USP9X: variants seen among roughly 807,000 people sequenced by gnomAD.
USP9X encodes the protein ubiquitin specific peptidase 9 X-linked.
A neutral mutation model predicts 190.3 loss-of-function variants in USP9X; 7 were observed. The observed-to-expected ratio is 0.04, with a 90% CI of 0.02 to 0.07. The LOEUF (loss-of-function observed/expected upper bound fraction) is 0.07, where lower values mean the gene tolerates loss of function less well. Ranked by LOEUF, USP9X falls within the 10% of genes least tolerant of loss-of-function variation. USP9X has a pLI of 1.00. For missense variants in USP9X, 1,010 were observed against 1,916.9 expected (o/e 0.53, Z 8.83); for synonymous variants, 645 against 659.5 (o/e 0.98, Z 0.34).
At chrX:41,090,344 G>A (rs2061946438) in intron 1 of USP9X, among the ~76,000 whole-genome samples, 2 of 111,375 alleles carry the variant, frequency 1.8e-5, no homozygotes, top group South Asian at 7.4e-4. Flanking sequence ...TACCTATATT[G>A]GGCATTGAAT....
chrX:41,180,904 A>G (rs1013823045), intron 21 of USP9X, among the ~76,000 whole-genome samples: 2 of 111,741 alleles, frequency 1.8e-5, no homozygotes, highest in African/African-American at 6.5e-5. Flanking sequence ...CATCATCTCT[A>G]TAAGGTATAG....
intron 1 of USP9X, among the ~76,000 whole-genome samples, chrX:41,120,186 G>A (rs1002395223): frequency 1.8e-5 from 2 of 111,244 alleles, no homozygotes; most frequent in Non-Finnish European, 3.8e-5. Flanking sequence ...GGCTAGTGTA[G>A]CATTTAAGAG....
intron 34 of USP9X, among the ~76,000 whole-genome samples, chrX:41,214,944 ATT>A (rs2063199033): frequency 8.9e-6 from 1 of 112,231 alleles, no homozygotes; most frequent in Non-Finnish European, 1.9e-5. Flanking sequence ...AGAGTGAATA[ATT>A]TTAAAAGTCA....
chrX:41,211,734 C>T (rs2063160905), intron 33 of USP9X, among the ~76,000 whole-genome samples: 1 of 98,337 alleles, frequency 1.0e-5, no homozygotes, highest in South Asian at 5.1e-4. Flanking sequence ...CCCCGCCCAG[C>T]CAGCTGCCCC....
chrX:41,140,579 A>T, intron 6 of USP9X, 77 bp from the exon 7 acceptor site: 1 of 681,916 alleles, frequency 1.5e-6, no homozygotes, highest in East Asian at 3.5e-5. Flanking sequence ...TTTCTAGTAT[A>T]TTTCAATAAG....
rs1248349163 is a variant in USP9X, at chrX:41,150,870, A to G, written c.1627-51A>G. 3 of 1,076,191 alleles carry G rather than the reference A, an allele frequency of 2.8e-6. No homozygotes were observed. In the East Asian group the frequency reaches 1.0e-4, roughly 36 times the overall value. The allele number at this position is 1,076,191 out of a possible 1,213,427, so 88.7% of individuals were successfully genotyped here. A position where few individuals can be genotyped will look rare whatever the true frequency, so the allele number is the denominator to read the frequency against. On this transcript the variant is annotated intron_variant, in intron 12 of 44. Coordinates refer to ENST00000378308, the MANE Select transcript of USP9X (RefSeq NM_001039591.3). ...TAATTCTCAAAATAATTTGAAAATAAAATTCTCCTGAGTATTGATCTATTT... is the reference window on the plus strand; with the variant it reads ...TAATTCTCAAAATAATTTGAAAATAGAATTCTCCTGAGTATTGATCTATTT...
At position 41,143,909 on chromosome X, in the gene USP9X, T is replaced by C. The variant is rs143355521; in HGVS notation, c.1314+466T>C. On this transcript the variant is annotated intron_variant, in intron 10 of 44. Coordinates refer to ENST00000378308, the MANE Select transcript of USP9X (RefSeq NM_001039591.3). Reference sequence around the variant, plus strand: ...TTGGAAACTACAACTCCTTCTATTATCTTAATGACAGTTTTCTAATCGTGG... The same window carrying C: ...TTGGAAACTACAACTCCTTCTATTACCTTAATGACAGTTTTCTAATCGTGG... Among the ~76,000 whole-genome samples the C allele has an allele frequency of 5.7e-3, 641 of 112,046 alleles. 4 individuals are homozygous for C. The highest frequency in any genetic ancestry group is 0.02 in the African/African-American group (620 of 30,888).
chrX:41,129,184 G>A (rs758434115), intron 3 of USP9X, 39 bp downstream of exon 3: 2 of 1,179,055 alleles, frequency 1.7e-6, no homozygotes, highest in East Asian at 3.0e-5. Flanking sequence ...AGAGCAGACA[G>A]GAAAGTAACC....
chrX:41,100,807 CA>C (rs1569147911), intron 1 of USP9X, among the ~76,000 whole-genome samples: 3 of 110,398 alleles, frequency 2.7e-5, no homozygotes, highest in African/African-American at 9.9e-5. Context: ...CCACCACGCC[CA>C]GCTAATTTTT....
At chrX:41,163,292 A>G (rs1248621060) in intron 15 of USP9X, among the ~76,000 whole-genome samples, 3 of 111,172 alleles carry the variant, frequency 2.7e-5, no homozygotes, top group Non-Finnish European at 5.7e-5. Context: ...GTTTATTCTA[A>G]CAGTGGCTGA....
chrX:41,187,574 G>T (rs928941703), intron 24 of USP9X, among the ~76,000 whole-genome samples: 6 of 112,629 alleles, frequency 5.3e-5, no homozygotes, highest in African/African-American at 9.7e-5. Flanking sequence ...GAGTGGAAAG[G>T]TTGTCATCTT....
intron 41 of USP9X, among the ~76,000 whole-genome samples, chrX:41,225,412 G>A (rs1289957495): frequency 9.0e-6 from 1 of 111,699 alleles, no homozygotes; most frequent in Admixed American, 9.5e-5. Context: ...TGGGCATTTG[G>A]TAAATATTTG....
At chrX:41,187,887 T>A in intron 24 of USP9X, 105 bp from the exon 25 acceptor site, 42 of 608,842 alleles carry the variant, frequency 6.9e-5, no homozygotes, top group East Asian at 9.2e-5. Flanking sequence ...ACAATGGTAC[T>A]ACACAGTAAT....
At chrX:41,173,261 A>G (rs890717498) in intron 21 of USP9X, among the ~76,000 whole-genome samples, 4 of 111,135 alleles carry the variant, frequency 3.6e-5, no homozygotes, top group Admixed American at 2.9e-4. Context: ...ATCCTTTTCC[A>G]TATACAGGAT....
chrX:41,229,042 T>C (rs1602058857), intron 41 of USP9X: 1 of 275,116 alleles, frequency 3.6e-6, no homozygotes, highest in East Asian at 6.0e-5. Flanking sequence ...AGGCAGGACT[T>C]GAAGTAAGCC....
intron 1 of USP9X, among the ~76,000 whole-genome samples, chrX:41,108,575 C>T (rs978228360): frequency 1.1e-4 from 12 of 111,491 alleles, no homozygotes; most frequent in African/African-American, 3.6e-4. Flanking sequence ...CATGATCTCT[C>T]CTGTTTTGTG....
intron 41 of USP9X, among the ~76,000 whole-genome samples, chrX:41,227,382 G>A (rs761799600): frequency 1.8e-4 from 20 of 111,938 alleles, no homozygotes; most frequent in Admixed American, 4.7e-4. Context: ...TATATGTAGT[G>A]TTTCAGATGA....
At chrX:41,126,460 T>G (rs1450619098) in intron 2 of USP9X, among the ~76,000 whole-genome samples, 1 of 111,986 alleles carries the variant, frequency 8.9e-6, no homozygotes, top group Non-Finnish European at 1.9e-5. Flanking sequence ...ATACCTGCAT[T>G]GTCCATGGAA....
At chrX:41,229,096 A>G (rs1018583409) in intron 41 of USP9X, 157 bp from the exon 42 acceptor site, 1 of 384,683 alleles carries the variant, frequency 2.6e-6, no homozygotes, top group Non-Finnish European at 4.2e-6. Flanking sequence ...CTCAAAAAAA[A>G]TAAATAAATA....
Sources: allele counts gnomAD v4.1 joint callset (sites outside exome capture counted in the v4.1 genomes callset), GRCh38; gene constraint gnomAD v4.1.1; transcripts MANE v1.5; gene names NCBI Gene and HGNC (gene_info 2026-07-23, HGNC 2026-07-21).